Variants in GATAD2A observed in about 807,000 individuals in gnomAD.
GATAD2A encodes the protein GATA zinc finger domain containing 2A, also known as transcriptional repressor p66-alpha.
A neutral mutation model predicts 68.5 loss-of-function variants in GATAD2A; 12 were observed. The observed-to-expected ratio is 0.18, with a 90% CI of 0.11 to 0.28. The LOEUF is 0.28. Ranked by LOEUF, GATAD2A falls within the 10% of genes least tolerant of loss-of-function variation. The pLI, the probability that GATAD2A is intolerant of heterozygous loss-of-function variation, is 1.00. For missense variants in GATAD2A, 755 were observed against 868.5 expected (o/e 0.87, Z 1.64); for synonymous variants, 410 against 375.3 (o/e 1.09, Z -1.07).
chr19:19,390,509 G>A (rs2048768593), intron 1 of GATAD2A, among the ~76,000 whole-genome samples: 1 of 152,166 alleles, frequency 6.6e-6, no homozygotes, highest in South Asian at 2.1e-4. Context: ...CTTAGCAAGA[G>A]TTTTCTGTGT....
rs114425416 is a variant in GATAD2A, at chr19:19,391,362, C to T, written c.-7+5224C>T. On this transcript the variant is annotated intron_variant, in intron 1 of 11. Coordinates refer to the GATAD2A transcript ENST00000360315. ...CTCCTTTCTTTCTCTCTTTCATGCA[C>T]ACATATATAGACACACACTGACTTT... 9.6e-3 allele frequency among the ~76,000 whole-genome samples: 1,467 copies of T among 152,220 alleles called. 28 individuals are homozygous for T. Among genetic ancestry groups the T allele is most frequent in the African/African-American group, 0.033 (1,369 of 41,528 alleles).
chr19:19,429,163 G>A, intron 1 of GATAD2A: 1 of 984,768 alleles, frequency 1.0e-6, no homozygotes, highest in South Asian at 4.7e-5. Flanking sequence ...TTGTGTCCAT[G>A]GAGCATGGAG....
intron 1 of GATAD2A, among the ~76,000 whole-genome samples, chr19:19,456,010 C>T (rs543789640): frequency 2.0e-5 from 3 of 151,852 alleles, no homozygotes; most frequent in Non-Finnish European, 4.4e-5. Flanking sequence ...CAAAATTAGC[C>T]GGGCATGGTG....
intron 8 of GATAD2A, among the ~76,000 whole-genome samples, chr19:19,500,124 AG>A (rs1341146061): frequency 6.6e-6 from 1 of 152,228 alleles, no homozygotes; most frequent in Non-Finnish European, 1.5e-5. Flanking sequence ...TGCCAAGGAT[AG>A]GACCTCACTG....
chr19:19,459,229 G>A (rs1466365277), intron 1 of GATAD2A, among the ~76,000 whole-genome samples: 1 of 152,128 alleles, frequency 6.6e-6, no homozygotes, highest in African/African-American at 2.4e-5. Flanking sequence ...AAGAATTCAA[G>A]CAATACAGAA....
intron 1 of GATAD2A, among the ~76,000 whole-genome samples, chr19:19,393,180 G>T (rs945837861): frequency 8.5e-5 from 13 of 152,182 alleles, no homozygotes; most frequent in African/African-American, 3.1e-4. Flanking sequence ...GCACATGCCT[G>T]TAATCCCAGC....
At chr19:19,402,918 G>A (rs748798148), upstream of GATAD2A, among the ~76,000 whole-genome samples, 3 of 151,512 alleles carry the variant, frequency 2.0e-5, no homozygotes, top group South Asian at 2.1e-4. Context: ...GATTACAGGC[G>A]TGCACCACCA....
At chr19:19,411,410 G>T (rs1326001639) in intron 1 of GATAD2A, among the ~76,000 whole-genome samples, 1 of 152,222 alleles carries the variant, frequency 6.6e-6, no homozygotes, top group African/African-American at 2.4e-5. Flanking sequence ...TTGCCGGGCA[G>T]ATCTGTCATG....
At chr19:19,465,837 A>G (rs1379546115) in intron 2 of GATAD2A, among the ~76,000 whole-genome samples, 1 of 152,250 alleles carries the variant, frequency 6.6e-6, no homozygotes, top group African/African-American at 2.4e-5. Context: ...TGGGTCTCAC[A>G]GGAGAAGGAG....
intron 2 of GATAD2A, among the ~76,000 whole-genome samples, chr19:19,480,798 A>C (rs894587344): frequency 6.6e-6 from 1 of 152,226 alleles, no homozygotes; most frequent in Non-Finnish European, 1.5e-5. Flanking sequence ...CAACTGGAGC[A>C]GGTCTGATTG....
At chr19:19,499,819 C>G (rs1038770632) in intron 8 of GATAD2A, among the ~76,000 whole-genome samples, 1 of 152,184 alleles carries the variant, frequency 6.6e-6, no homozygotes, top group Non-Finnish European at 1.5e-5. Flanking sequence ...AGGATGGTAC[C>G]GAGACTAACT....
At position 19,398,931 on chromosome 19, in the gene GATAD2A, C is replaced by A. The variant is rs960086213; in HGVS notation, c.-7+12793C>A. On this transcript the variant is annotated intron_variant, in intron 1 of 11. Transcript: ENST00000360315. ...AAAATTAGCTGGGCACAGTGGCGGG[C>A]GCCTGTAATCCCAGCTACTTGGGAG... Among the ~76,000 whole-genome samples the A allele has an allele frequency of 9.2e-5, 14 of 152,088 alleles. No homozygotes were observed. In the East Asian group the frequency reaches 1.9e-3, roughly 21 times the overall value.
At chr19:19,423,662 G>T (rs2052707849) in intron 1 of GATAD2A, among the ~76,000 whole-genome samples, 1 of 152,234 alleles carries the variant, frequency 6.6e-6, no homozygotes, top group East Asian at 1.9e-4. Context: ...CAGAGAAATT[G>T]AATTCTGCCT....
At chr19:19,501,533 A>C in intron 9 of GATAD2A, 117 bp downstream of exon 9, 1 of 837,888 alleles carries the variant, frequency 1.2e-6, no homozygotes, top group Non-Finnish European at 1.8e-6. Context: ...ATTGCAGTTA[A>C]TGGTGGTGTT....
chr19:19,392,410 CCAGA>C lies in GATAD2A; in HGVS notation c.-7+6277_-7+6280del, dbSNP rs1262581630. Among the ~76,000 whole-genome samples the C allele has an allele frequency of 3.1e-5, 4 of 127,606 alleles. No homozygotes were observed. The East Asian group carries it at 9.2e-4, about 29-fold the overall frequency. 83.7% of individuals were successfully genotyped at this position (127,606 alleles called of 152,430 possible). A position where few individuals can be genotyped will look rare whatever the true frequency, so the allele number is the denominator to read the frequency against. On this transcript the variant is annotated intron_variant, in intron 1 of 11. Coordinates refer to the GATAD2A transcript ENST00000360315. Reference sequence around the variant, plus strand: ...TGTGTGTGTGTTTTTTTTTTTTTTTCCAGACAGAGTCTCGCTCTGTCACCTAGGC... The same window carrying C: ...TGTGTGTGTGTTTTTTTTTTTTTTTCCAGAGTCTCGCTCTGTCACCTAGGC...
At chr19:19,414,530 CTTTTTTTTTTT>C (rs758728889) in intron 1 of GATAD2A, among the ~76,000 whole-genome samples, 138 of 70,224 alleles carry the variant, frequency 2.0e-3, no homozygotes, top group Admixed American at 4.7e-3. Flanking sequence ...AGGGCCTTGT[CTTTTTTTTTTT>C]TTTTTTTTTT....
chr19:19,481,177 G>C (rs1188180537), intron 2 of GATAD2A, among the ~76,000 whole-genome samples: 1 of 152,082 alleles, frequency 6.6e-6, no homozygotes, highest in East Asian at 1.9e-4. Flanking sequence ...GAGGGGTGCT[G>C]CGATCAGTGG....
chr19:19,465,095 A>G (rs2057762889), intron 1 of GATAD2A: 1 of 574,998 alleles, frequency 1.7e-6, no homozygotes, highest in Non-Finnish European at 3.1e-6. Context: ...GGCAGGGTGT[A>G]GTTTGGCTCC....
At chr19:19,492,817 G>T in intron 4 of GATAD2A, 105 bp downstream of exon 4, 1 of 1,111,856 alleles carries the variant, frequency 9.0e-7, no homozygotes. Flanking sequence ...GCTTCCTTGA[G>T]GGAGTATAGG....
Sources: allele counts gnomAD v4.1 joint callset (sites outside exome capture counted in the v4.1 genomes callset), GRCh38; gene constraint gnomAD v4.1.1; transcripts MANE v1.5; gene names NCBI Gene and HGNC (gene_info 2026-07-23, HGNC 2026-07-21).